Variants in SBF2 observed in about 807,000 individuals in gnomAD.
SBF2 encodes the protein SET binding factor 2, also known as myotubularin-related protein 13.
In SBF2, 112 loss-of-function variants were observed where a neutral mutation model predicts 225.2. The observed-to-expected ratio is 0.50, with a 90% CI of 0.43 to 0.58. The LOEUF (loss-of-function observed/expected upper bound fraction) is 0.58. Among genes scored for constraint, SBF2 ranks in the 20% least tolerant of loss-of-function variants. The pLI is 0.00. For synonymous variants in SBF2, 763 were observed against 773.3 expected (o/e 0.99, Z 0.22); for missense variants, 1,996 against 2,206.2 (o/e 0.90, Z 1.91).
intron 8 of SBF2, 61 bp from the exon 9 acceptor site, chr11:9,998,440 AT>A: frequency 1.1e-6 from 1 of 929,584 alleles, no homozygotes; most frequent in Non-Finnish European, 1.7e-6. Flanking sequence ...TAAGCAAATT[AT>A]TTTTCCCTTG....
chr11:9,851,008 C>T (rs1026946332), intron 21 of SBF2, among the ~76,000 whole-genome samples: 3 of 151,910 alleles, frequency 2.0e-5, no homozygotes, highest in South Asian at 2.1e-4. Flanking sequence ...TGGTGGCAGG[C>T]GCCTGTAATC....
chr11:10,250,014 T>C lies in SBF2; in HGVS notation c.55+44001A>G, dbSNP rs189046366. Among the ~76,000 whole-genome samples the C allele has an allele frequency of 3.7e-3, 563 of 152,168 alleles. 2 individuals are homozygous for C. Among genetic ancestry groups the C allele is most frequent in the African/African-American group, 0.013 (553 of 41,528 alleles). On this transcript the variant is annotated intron_variant, in intron 1 of 39. Coordinates refer to ENST00000256190, the MANE Select transcript of SBF2 (RefSeq NM_030962.4). Reference sequence around the variant, plus strand: ...TCTTCAGGTTATATTTTAGTGAATATTAATATATGCTCCAAAATTGTATGG... The same window carrying C: ...TCTTCAGGTTATATTTTAGTGAATACTAATATATGCTCCAAAATTGTATGG...
chr11:10,035,145 T>G (rs1051498336), intron 3 of SBF2, among the ~76,000 whole-genome samples: 1 of 152,036 alleles, frequency 6.6e-6, no homozygotes, highest in Non-Finnish European at 1.5e-5. Context: ...TTTCTTTTTT[T>G]TTGTATTTTT....
At chr11:10,031,969 G>C (rs925313732) in intron 3 of SBF2, among the ~76,000 whole-genome samples, 1 of 152,122 alleles carries the variant, frequency 6.6e-6, no homozygotes, top group African/African-American at 2.4e-5. Flanking sequence ...TCAAACTACT[G>C]AGCTCAAGTG....
chr11:10,289,255 C>G (rs1964005984), intron 1 of SBF2, among the ~76,000 whole-genome samples: 1 of 152,202 alleles, frequency 6.6e-6, no homozygotes, highest in Non-Finnish European at 1.5e-5. Context: ...TGCAAAGAGG[C>G]CTTGGTCCAC....
chr11:9,864,109 T>C (rs558797377), intron 17 of SBF2, among the ~76,000 whole-genome samples: 21 of 152,332 alleles, frequency 1.4e-4, no homozygotes, highest in African/African-American at 4.8e-4. Flanking sequence ...ATTTAGGATA[T>C]TATGCTCATT....
chr11:10,192,767 A>C (rs574912759), intron 2 of SBF2, among the ~76,000 whole-genome samples: 2 of 152,292 alleles, frequency 1.3e-5, no homozygotes, highest in African/African-American at 4.8e-5. Context: ...TGCACTCTTA[A>C]GTATCATGTT....
intron 2 of SBF2, among the ~76,000 whole-genome samples, chr11:10,049,301 A>T (rs28374356): frequency 9.9e-5 from 15 of 151,818 alleles, no homozygotes; most frequent in African/African-American, 3.1e-4. Context: ...GGGTAAATTT[A>T]AAAAAAAATT....
chr11:10,176,622 C>A (rs1279011693), intron 2 of SBF2, among the ~76,000 whole-genome samples: 1 of 152,008 alleles, frequency 6.6e-6, no homozygotes, highest in South Asian at 2.1e-4. Flanking sequence ...ACATATACAC[C>A]CTCCCAAGAC....
intron 2 of SBF2, among the ~76,000 whole-genome samples, chr11:10,119,255 T>A (rs1953317823): frequency 6.6e-6 from 1 of 152,130 alleles, no homozygotes; most frequent in South Asian, 2.1e-4. Context: ...GTACTTCCTG[T>A]TCCGCTTGTT....
chr11:10,047,230 C>A (rs1368106432), intron 2 of SBF2, among the ~76,000 whole-genome samples: 1 of 152,032 alleles, frequency 6.6e-6, no homozygotes, highest in Non-Finnish European at 1.5e-5. Flanking sequence ...ATAATTCCAA[C>A]AAAAATCCCA....
intron 13 of SBF2, among the ~76,000 whole-genome samples, chr11:9,982,017 T>A (rs1345735285): frequency 1.3e-5 from 2 of 152,246 alleles, no homozygotes; most frequent in African/African-American, 4.8e-5. Flanking sequence ...ATGAATATAA[T>A]CTCTGTCATT....
At chr11:9,862,939 A>C (rs576659303) in intron 17 of SBF2, among the ~76,000 whole-genome samples, 2 of 152,260 alleles carry the variant, frequency 1.3e-5, no homozygotes, top group South Asian at 4.1e-4. Flanking sequence ...TGCTTTTGTC[A>C]AATCACATCT....
At chr11:10,168,165 CT>C (rs1279687810) in intron 2 of SBF2, among the ~76,000 whole-genome samples, 2 of 152,130 alleles carry the variant, frequency 1.3e-5, no homozygotes, top group African/African-American at 4.8e-5. Context: ...AATTTAAGTT[CT>C]GAGAAGACAG....
chr11:9,959,639 T>C, intron 16 of SBF2: 1 of 753,460 alleles, frequency 1.3e-6, no homozygotes, highest in South Asian at 1.4e-5. Flanking sequence ...CAGGTAACTC[T>C]TCCACACGCT....
At chr11:9,939,076 CTTTATTTTATTTTATTTTA>C (rs1865086196) in intron 16 of SBF2, among the ~76,000 whole-genome samples, 2 of 151,826 alleles carry the variant, frequency 1.3e-5, no homozygotes, top group Admixed American at 6.6e-5. Context: ...TGCTTTATTT[CTTTATTTTATTTTATTTTA>C]TTTATTTTAT....
intron 16 of SBF2, among the ~76,000 whole-genome samples, chr11:9,899,127 T>C (rs1347658783): frequency 2.6e-5 from 4 of 151,528 alleles, no homozygotes; most frequent in East Asian, 1.9e-4. Context: ...CTGAAATTAT[T>C]AGAGAACAGG....
chr11:10,239,612 G>A (rs1959181068), intron 1 of SBF2, among the ~76,000 whole-genome samples: 1 of 150,044 alleles, frequency 6.7e-6, no homozygotes, highest in African/African-American at 2.4e-5. Flanking sequence ...TAAAAAAGGA[G>A]GAAAAGGTAA....
chr11:9,943,489 G>A (rs1437576557), intron 16 of SBF2, among the ~76,000 whole-genome samples: 1 of 151,836 alleles, frequency 6.6e-6, no homozygotes, highest in African/African-American at 2.4e-5. Context: ...AGTATCAAAG[G>A]ACTGGTATTC....
Sources: allele counts gnomAD v4.1 joint callset (sites outside exome capture counted in the v4.1 genomes callset), GRCh38; gene constraint gnomAD v4.1.1; transcripts MANE v1.5; gene names NCBI Gene and HGNC (gene_info 2026-07-23, HGNC 2026-07-21).